The following LRRC56 variants were observed in gnomAD, a reference collection of about 807,000 sequenced individuals.
LRRC56 encodes the protein leucine rich repeat containing 56, also known as leucine-rich repeat-containing protein 56.
Under a neutral mutation model 47.8 loss-of-function variants are expected in LRRC56, and 41 were observed. The observed-to-expected ratio is 0.86, with a 90% CI of 0.67 to 1.11. The LOEUF is 1.11. LRRC56 is among the 50% of genes most tolerant of loss of function. The pLI, the probability that LRRC56 is intolerant of heterozygous loss-of-function variation, is 0.00. For missense variants in LRRC56, 759 were observed against 704.2 expected (o/e 1.08, Z -0.88); for synonymous variants, 387 against 311.2 (o/e 1.24, Z -2.56).
chr11:511,502 T>C, the LRRC56 span, among the ~76,000 whole-genome samples: 1 of 152,326 alleles, frequency 6.6e-6, no homozygotes, highest in East Asian at 1.9e-4. Flanking sequence ...AAATGTAGCG[T>C]ATCCTCTGAT....
At chr11:551,085 A>C in intron 8 of LRRC56, 46 bp from the exon 9 acceptor site, 1 of 1,129,658 alleles carries the variant, frequency 8.9e-7, no homozygotes, top group Non-Finnish European at 1.2e-6. Flanking sequence ...GGAAGGAAAC[A>C]CTGGACCCAG....
rs1305597268 is a variant in LRRC56 at position 541,038 on chromosome 11, G to T, written c.177+177G>T. Among the ~76,000 whole-genome samples, 7 of 152,070 alleles carry T rather than the reference G, an allele frequency of 4.6e-5. No homozygotes were observed. Among genetic ancestry groups the T allele is most frequent in the African/African-American group, 1.7e-4 (7 of 41,418 alleles). On this transcript the variant is annotated intron_variant, in intron 4 of 13. Transcript: ENST00000270115. The surrounding 1 kb of genome is among the most constrained non-coding windows in gnomAD (Gnocchi z 4.1). Reference sequence around the variant, plus strand: ...GTCTGCTCCACCCACTCTGCCCTTGGGACCCCTACCAGGCCCCAAAACACC... The same window carrying T: ...GTCTGCTCCACCCACTCTGCCCTTGTGACCCCTACCAGGCCCCAAAACACC...
rs141878470 is a variant in LRRC56, at chr11:547,434, A to G, written c.327-2468A>G. Among the ~76,000 whole-genome samples the G allele has an allele frequency of 2.1e-3, 315 of 151,628 alleles. 4 individuals carry two copies. The highest frequency in any genetic ancestry group is 6.8e-3 in the African/African-American group (281 of 41,400). On this transcript the variant is annotated intron_variant, in intron 6 of 13. Coordinates refer to ENST00000270115, the MANE Select transcript of LRRC56 (RefSeq NM_198075.4). ...AGTGGCGCAATCTCGGCTCACTGCA[A>G]TCTCGCCTCCCGGGTTCACGCCATT... is the stretch of plus-strand genomic sequence containing the variant.
At chr11:510,252 G>A in the LRRC56 span, among the ~76,000 whole-genome samples, 3 of 152,204 alleles carry the variant, frequency 2.0e-5, no homozygotes, top group African/African-American at 7.2e-5. Context: ...CAGACCCCGG[G>A]GAGAGAGGCA....
intron 13 of LRRC56, among the ~76,000 whole-genome samples, chr11:553,177 G>A (rs183585569): frequency 1.5e-4 from 23 of 152,312 alleles, no homozygotes; most frequent in South Asian, 1.0e-3. Flanking sequence ...GCGCACTTGG[G>A]GACATAGAAT....
the LRRC56 span, among the ~76,000 whole-genome samples, chr11:518,989 C>G: frequency 6.6e-6 from 1 of 152,082 alleles, no homozygotes; most frequent in African/African-American, 2.4e-5. Flanking sequence ...GGCGCGCTTA[C>G]GAGGGCGCGC....
chr11:533,196 G>A (rs1851213207), upstream of LRRC56: 7 of 1,272,282 alleles, frequency 5.5e-6, no homozygotes, highest in Non-Finnish European at 6.5e-6. Flanking sequence ...CCCCGGAGCT[G>A]TGTCGGCCCA....
upstream of LRRC56, among the ~76,000 whole-genome samples, chr11:536,148 C>T (rs1052189632): frequency 1.3e-5 from 2 of 152,234 alleles, no homozygotes; most frequent in Admixed American, 1.3e-4. Context: ...ACCCCGAGGA[C>T]GCTTGCAGCC....
chr11:546,532 A>T (rs943804739), intron 6 of LRRC56, among the ~76,000 whole-genome samples: 9 of 151,804 alleles, frequency 5.9e-5, no homozygotes, highest in African/African-American at 1.9e-4. Flanking sequence ...CGCACCACTA[A>T]ACTCCAGCCT....
upstream of LRRC56, chr11:532,642 G>T: frequency 6.2e-7 from 1 of 1,611,836 alleles, no homozygotes. Flanking sequence ...TGCGTCAGGA[G>T]AGCACACACT....
chr11:526,943 G>GA, the LRRC56 span, among the ~76,000 whole-genome samples: 2 of 149,204 alleles, frequency 1.3e-5, no homozygotes, highest in Non-Finnish European at 3.0e-5. Context: ...TCTAAAAAAA[G>GA]AAAAAAAAAG....
At chr11:515,043 A>G in the LRRC56 span, among the ~76,000 whole-genome samples, 1,308 of 152,354 alleles carry the variant, frequency 8.6e-3, 19 homozygotes, top group African/African-American at 0.03. Context: ...AAGGGCCACC[A>G]GTAAATTCTT....
chr11:533,685 A>G, upstream of LRRC56: 1 of 1,611,280 alleles, frequency 6.2e-7, no homozygotes, highest in Non-Finnish European at 8.5e-7. Context: ...CGCAGAGAGG[A>G]CAGGAGGCCC....
chr11:554,233 C>T lies in LRRC56; in HGVS notation c.1586C>T (p.Pro529Leu). Reference sequence around the variant, plus strand: ...GCACCAGATGCAGCAGCTAGACCTCCCAGGGCAGCTGAACTCTCTCACCCC... The same window carrying T: ...GCACCAGATGCAGCAGCTAGACCTCTCAGGGCAGCTGAACTCTCTCACCCC... ...KPAPDAAARPPRAAELSHPSP... is the reference protein window; with the variant it reads ...KPAPDAAARPLRAAELSHPSP... Residue 529 changes from proline (P) to leucine (L), a missense_variant, in exon 14 of 14, where the codon CCC becomes CTC. Pro to Leu is a moderately conservative substitution (Grantham distance 98, BLOSUM62 -3). Transcript: ENST00000270115. 1 of 1,515,112 alleles carries T rather than the reference C, an allele frequency of 6.6e-7. No homozygotes were observed. Among genetic ancestry groups the T allele is most frequent in the South Asian group, 1.3e-5 (1 of 77,812 alleles). The allele number at this position is 1,515,112 out of a possible 1,614,324, so 93.9% of individuals were successfully genotyped here. A position where few individuals can be genotyped will look rare whatever the true frequency, so the allele number is the denominator to read the frequency against.
chr11:542,603 A>AAC, intron 5 of LRRC56, among the ~76,000 whole-genome samples: 1 of 149,626 alleles, frequency 6.7e-6, no homozygotes, highest in African/African-American at 2.5e-5. Context: ...AAAAAAAAAA[A>AAC]ACACTCCCTC....
At chr11:530,396 C>T in the LRRC56 span, among the ~76,000 whole-genome samples, 21 of 152,020 alleles carry the variant, frequency 1.4e-4, no homozygotes, top group African/African-American at 5.1e-4. Flanking sequence ...GCTGGTCACT[C>T]GGAGGCTGCT....
intron 3 of LRRC56, 92 bp downstream of exon 3, chr11:539,818 C>T (rs1288059622): frequency 6.6e-6 from 1 of 152,376 alleles, no homozygotes; most frequent in Non-Finnish European, 1.5e-5. Flanking sequence ...CCTCAGAGGC[C>T]TGGGGAGGGG....
Position 552,077 on chromosome 11 carries a change from T to C in LRRC56, c.1039-13T>C. 1 of 1,607,750 alleles carries C rather than the reference T, an allele frequency of 6.2e-7. No individual in the cohort carries two copies. The highest frequency in any genetic ancestry group is 8.5e-7 in the Non-Finnish European group (1 of 1,176,268). The stretch of plus-strand genomic sequence containing the variant: ...GGGCCAGAATCCCTAAAGCAGTCCC[T>C]TTTCCTCCCCAGGCCAGGGAGCCCC... On this transcript the variant is annotated splice_polypyrimidine_tract_variant and intron_variant, in intron 11 of 13. Coordinates refer to ENST00000270115, the MANE Select transcript of LRRC56 (RefSeq NM_198075.4).
At chr11:511,869 C>T in the LRRC56 span, among the ~76,000 whole-genome samples, 1 of 152,200 alleles carries the variant, frequency 6.6e-6, no homozygotes, top group Admixed American at 6.5e-5. Context: ...CACACACAGA[C>T]AAGGCGCTGG....
Sources: gnomAD v4.1 joint callset for allele counts (sites outside exome capture counted in the v4.1 genomes callset) on GRCh38, gnomAD v4.1.1 for gene constraint, Gnocchi (gnomAD v3.1) non-coding constraint, MANE v1.5 for transcripts, NCBI Gene and HGNC (gene_info 2026-07-23, HGNC 2026-07-21) for gene names.